RBFOX1: variants seen among roughly 807,000 people sequenced by gnomAD.
RBFOX1 encodes the protein RNA binding protein fox-1 homolog 1.
In RBFOX1, 8 loss-of-function variants were observed where a neutral mutation model predicts 57.7. That is an observed-to-expected ratio of 0.14 (90% CI 0.08 to 0.25). RBFOX1 has a LOEUF of 0.25. Ranked by LOEUF, RBFOX1 falls within the 10% of genes least tolerant of loss-of-function variation. RBFOX1 has a pLI of 1.00. For missense variants in RBFOX1, 611 were observed against 548.5 expected (o/e 1.11, Z -1.14); for synonymous variants, 326 against 222.4 (o/e 1.47, Z -4.15).
At chr16:7,276,535 A>C (rs2095443514) in intron 4 of RBFOX1, among the ~76,000 whole-genome samples, 1 of 152,026 alleles carries the variant, frequency 6.6e-6, no homozygotes, top group Non-Finnish European at 1.5e-5. Context: ...TCTAAGTAGG[A>C]GGCTTCTATC....
At chr16:6,393,784 G>A (rs2092706580) in intron 2 of RBFOX1, among the ~76,000 whole-genome samples, 1 of 152,158 alleles carries the variant, frequency 6.6e-6, no homozygotes, top group Admixed American at 6.5e-5. Flanking sequence ...AGGTCCAAAT[G>A]TTTTATGGGT....
At chr16:6,526,390 G>T (rs2096577980) in intron 2 of RBFOX1, among the ~76,000 whole-genome samples, 1 of 152,100 alleles carries the variant, frequency 6.6e-6, no homozygotes, top group Non-Finnish European at 1.5e-5. Context: ...AGTCTGAGTC[G>T]AATCATCAAT....
At chr16:6,515,187 C>G (rs1449385613) in intron 2 of RBFOX1, among the ~76,000 whole-genome samples, 1 of 152,202 alleles carries the variant, frequency 6.6e-6, no homozygotes, top group African/African-American at 2.4e-5. Context: ...AATGTTCACT[C>G]TGGCTATACA....
intron 2 of RBFOX1, among the ~76,000 whole-genome samples, chr16:6,615,355 A>C (rs139283464): frequency 0.022 from 3,304 of 152,232 alleles, 63 homozygotes; most frequent in Non-Finnish European, 0.032. Flanking sequence ...GGATCACCTG[A>C]GGTCAGGAGT....
At chr16:6,811,588 A>G (rs961807031) in intron 3 of RBFOX1, among the ~76,000 whole-genome samples, 2 of 152,178 alleles carry the variant, frequency 1.3e-5, no homozygotes, top group African/African-American at 4.8e-5. Flanking sequence ...CCTGGGTGCT[A>G]GCATGGAAAA....
intron 3 of RBFOX1, among the ~76,000 whole-genome samples, chr16:6,860,438 G>C (rs1213477749): frequency 6.6e-6 from 1 of 152,172 alleles, no homozygotes; most frequent in Non-Finnish European, 1.5e-5. Context: ...AAGACGCGGG[G>C]GCAGCGGGCG....
chr16:5,339,388 A>G (rs114958329), intron 1 of RBFOX1, among the ~76,000 whole-genome samples: 2 of 150,764 alleles, frequency 1.3e-5, no homozygotes, highest in African/African-American at 4.9e-5. Context: ...AACAAAGGCA[A>G]TGGTCCTTAT....
chr16:7,233,455 C>T (rs980321075), intron 4 of RBFOX1, among the ~76,000 whole-genome samples: 3 of 152,198 alleles, frequency 2.0e-5, no homozygotes, highest in African/African-American at 7.2e-5. Context: ...GGCAGCTCTG[C>T]TGTTGAACAC....
intron 2 of RBFOX1, among the ~76,000 whole-genome samples, chr16:5,551,708 A>G (rs1056842757): frequency 9.9e-5 from 15 of 151,886 alleles, no homozygotes; most frequent in Admixed American, 6.6e-4. Flanking sequence ...GTGCCATGGT[A>G]GTTTGCCGCA....
At chr16:6,874,961 C>G (rs1446188355) in intron 3 of RBFOX1, among the ~76,000 whole-genome samples, 3 of 152,108 alleles carry the variant, frequency 2.0e-5, no homozygotes, top group African/African-American at 7.2e-5. Context: ...AACCAAGAAG[C>G]TTGGCTTCAT....
At chr16:7,652,278 C>A (rs1436750898) in intron 11 of RBFOX1, among the ~76,000 whole-genome samples, 1 of 152,144 alleles carries the variant, frequency 6.6e-6, no homozygotes, top group African/African-American at 2.4e-5. Context: ...GGAAGGGAAT[C>A]CCAGATAGAG....
At chr16:7,596,376 T>TA (rs2094703200) in intron 8 of RBFOX1, among the ~76,000 whole-genome samples, 1 of 151,936 alleles carries the variant, frequency 6.6e-6, no homozygotes, top group Non-Finnish European at 1.5e-5. Context: ...ATTTTTTTTT[T>TA]AATACCAGTT....
chr16:5,450,973 C>T (rs927645323), intron 1 of RBFOX1, among the ~76,000 whole-genome samples: 8 of 152,144 alleles, frequency 5.3e-5, no homozygotes, highest in South Asian at 2.1e-4. Context: ...GGGCTGATCA[C>T]GGGCCATATC....
At chr16:6,803,648 T>C (rs1442374264) in intron 3 of RBFOX1, among the ~76,000 whole-genome samples, 1 of 152,222 alleles carries the variant, frequency 6.6e-6, no homozygotes, top group South Asian at 2.1e-4. Context: ...AAAGAATCTT[T>C]CACCATTAAT....
intron 1 of RBFOX1, among the ~76,000 whole-genome samples, chr16:5,458,465 G>A (rs971744793): frequency 1.3e-5 from 2 of 152,190 alleles, no homozygotes; most frequent in Non-Finnish European, 2.9e-5. Flanking sequence ...AATGTATTGT[G>A]CTGTGCAATT....
intron 2 of RBFOX1, among the ~76,000 whole-genome samples, chr16:6,363,827 G>T (rs1226080297): frequency 2.6e-5 from 4 of 152,142 alleles, no homozygotes; most frequent in African/African-American, 9.7e-5. Flanking sequence ...AATGAAGTCT[G>T]TCTGATTCTG....
At chr16:5,317,743 G>A (rs1429271255) in intron 1 of RBFOX1, among the ~76,000 whole-genome samples, 1 of 152,150 alleles carries the variant, frequency 6.6e-6, no homozygotes, top group Non-Finnish European at 1.5e-5. Flanking sequence ...GCATTGCTTT[G>A]CGTTTCTTCT....
chr16:6,261,794 G>A (rs772866189), intron 1 of RBFOX1, among the ~76,000 whole-genome samples: 4 of 151,862 alleles, frequency 2.6e-5, no homozygotes, highest in Non-Finnish European at 4.4e-5. Flanking sequence ...TCAGGAGTTC[G>A]AGACCAGCCT....
chr16:5,867,449 G>C, intron 4 of RBFOX1: 1 of 753,986 alleles, frequency 1.3e-6, no homozygotes, highest in Admixed American at 4.3e-5. Flanking sequence ...TTTCCTGGTG[G>C]CTTGGATGGT....
Sources: gnomAD v4.1 joint callset for allele counts (sites outside exome capture counted in the v4.1 genomes callset) on GRCh38, gnomAD v4.1.1 for gene constraint, MANE v1.5 for transcripts, NCBI Gene and HGNC (gene_info 2026-07-23, HGNC 2026-07-21) for gene names.